Variants in SLC7A14 observed in about 807,000 individuals in gnomAD.
The protein encoded by SLC7A14 is solute carrier family 7 member 14.
SLC7A14 carries 37 observed loss-of-function variants against 60.2 expected under a neutral mutation model. The observed-to-expected ratio is 0.61, with a 90% CI of 0.47 to 0.81. The LOEUF (loss-of-function observed/expected upper bound fraction) is 0.81. Ranked by LOEUF, SLC7A14 falls within the 30% of genes least tolerant of loss-of-function variation. SLC7A14 has a pLI of 0.00. For missense variants in SLC7A14, 886 were observed against 982.7 expected (o/e 0.90, Z 1.32); for synonymous variants, 399 against 395.8 (o/e 1.01, Z -0.10).
Position 170,501,220 on chromosome 3 carries a change from G to A in SLC7A14, c.430C>T (p.Leu144=). The change falls in exon 3 of 8, where the codon CTG becomes TTG. Residue 144 remains leucine, a synonymous_variant. Transcript: ENST00000231706. The part of the protein sequence containing the change: ...FIGWNLILEY[L]IGTAAGASAL... The stretch of plus-strand genomic sequence containing the variant: ...CTGGCTCCGGCCGCAGTGCCAATCA[G>A]GTACTCCAGGATCAGGTTCCAGCCA... 6.2e-7 allele frequency: 1 copy of A among 1,614,198 alleles called. No homozygotes were observed.
intron 1 of SLC7A14, among the ~76,000 whole-genome samples, chr3:170,571,539 T>C (rs1714955573): frequency 6.6e-6 from 1 of 152,202 alleles, no homozygotes; most frequent in African/African-American, 2.4e-5. Context: ...TTGAACATAA[T>C]CTTCCACATA....
At chr3:170,566,438 C>T (rs1342759734) in intron 1 of SLC7A14, among the ~76,000 whole-genome samples, 1 of 152,194 alleles carries the variant, frequency 6.6e-6, no homozygotes, top group East Asian at 1.9e-4. Context: ...TAAACATTGC[C>T]AACAAATAGC....
intron 3 of SLC7A14, among the ~76,000 whole-genome samples, chr3:170,499,754 C>T (rs1175335776): frequency 6.6e-6 from 1 of 152,188 alleles, no homozygotes; most frequent in Non-Finnish European, 1.5e-5. Context: ...TGGACTCCTG[C>T]CCTCTATAGA....
intron 2 of SLC7A14, among the ~76,000 whole-genome samples, chr3:170,525,106 C>T (rs1713450986): frequency 6.6e-6 from 1 of 152,190 alleles, no homozygotes; most frequent in African/African-American, 2.4e-5. Context: ...CCCACTTCTC[C>T]TGAAATATTC....
chr3:170,525,050 T>C (rs11706208), intron 2 of SLC7A14, among the ~76,000 whole-genome samples: 68,882 of 152,164 alleles, frequency 0.45, 16,101 homozygotes, highest in Middle Eastern at 0.6. Flanking sequence ...GCTTTTCTTA[T>C]GATAGCACGC....
chr3:170,541,587 G>A (rs555583798), intron 1 of SLC7A14, among the ~76,000 whole-genome samples: 1 of 152,310 alleles, frequency 6.6e-6, no homozygotes, highest in South Asian at 2.1e-4. Flanking sequence ...CATAGAGCAA[G>A]ACCTTGTCTC....
At chr3:170,526,193 G>A (rs547153906) in intron 2 of SLC7A14, among the ~76,000 whole-genome samples, 2 of 152,166 alleles carry the variant, frequency 1.3e-5, no homozygotes, top group South Asian at 4.2e-4. Flanking sequence ...GTTGAGGTCA[G>A]GAGTTTGAGA....
chr3:170,533,006 T>A (rs1297673527), intron 1 of SLC7A14, among the ~76,000 whole-genome samples: 1 of 152,196 alleles, frequency 6.6e-6, no homozygotes, highest in East Asian at 1.9e-4. Flanking sequence ...TTCCCCAAGA[T>A]GCACACATAC....
chr3:170,470,326 G>GTGTGTGTGTGTGTA (rs1348503200), intron 7 of SLC7A14, among the ~76,000 whole-genome samples: 2 of 151,826 alleles, frequency 1.3e-5, no homozygotes, highest in South Asian at 4.2e-4. Flanking sequence ...GTGTGTGTGT[G>GTGTGTGTGTGTGTA]TGTGTGTGTG....
chr3:170,497,498 G>A (rs760909301), intron 4 of SLC7A14, among the ~76,000 whole-genome samples: 19 of 152,200 alleles, frequency 1.2e-4, no homozygotes, highest in Non-Finnish European at 2.6e-4. Context: ...GGACATGTTG[G>A]AGAAAAACCA....
chr3:170,491,595 C>T (rs1401237570), intron 4 of SLC7A14, among the ~76,000 whole-genome samples: 1 of 152,052 alleles, frequency 6.6e-6, no homozygotes, highest in Non-Finnish European at 1.5e-5. Flanking sequence ...GAGAAGCTCT[C>T]ATCCTGAGGC....
intron 4 of SLC7A14, among the ~76,000 whole-genome samples, chr3:170,495,016 AG>A (rs1712336793): frequency 6.6e-6 from 1 of 152,186 alleles, no homozygotes; most frequent in Non-Finnish European, 1.5e-5. Flanking sequence ...TCCACTTTTA[AG>A]TAAGGGATAA....
chr3:170,473,285 CT>C (rs1711511273), intron 7 of SLC7A14, among the ~76,000 whole-genome samples: 1 of 152,122 alleles, frequency 6.6e-6, no homozygotes, highest in African/African-American at 2.4e-5. Flanking sequence ...AGGAGAAATC[CT>C]AGAACAAAAA....
chr3:170,485,633 G>C lies in SLC7A14; in HGVS notation c.906+589C>G, dbSNP rs143585554. ...GGGGCGTGATCCTGAGGAAGACAAG[G>C]CTGAAGTCTTTATCCTGAGGCTCCC... On this transcript the variant is annotated intron_variant, in intron 5 of 7. Coordinates refer to ENST00000231706, the MANE Select transcript of SLC7A14 (RefSeq NM_020949.3). Among the ~76,000 whole-genome samples the C allele has an allele frequency of 4.6e-5, 7 of 152,280 alleles. No individual in the cohort carries two copies. In the East Asian group the frequency reaches 1.2e-3, roughly 25 times the overall value.
At chr3:170,570,512 T>C (rs1303895328) in intron 1 of SLC7A14, 2 of 147,622 alleles carry the variant, frequency 1.4e-5, no homozygotes, top group African/African-American at 5.2e-5. Context: ...TAGTTTTCTG[T>C]ATATAAACTA....
At position 170,463,163 on chromosome 3, in the gene SLC7A14, C is replaced by T. The variant is rs952682005; in HGVS notation, c.*3892G>A. 6.6e-6 allele frequency: 1 copy of T among 152,192 alleles called. No individual in the cohort carries two copies. Among genetic ancestry groups the T allele is most frequent in the African/African-American group, 2.4e-5 (1 of 41,446 alleles). 9.4% of individuals were successfully genotyped at this position (152,192 alleles called of 1,614,324 possible). ...TCTCTGTGAGTGATCCCTCACCTGC[C>T]TTCCTAGCATTATTTCTTATTGTTG... On this transcript the variant is annotated 3_prime_UTR_variant, in exon 8 of 8. Transcript: ENST00000231706.
chr3:170,561,002 C>T (rs1714631232), intron 1 of SLC7A14, among the ~76,000 whole-genome samples: 1 of 152,026 alleles, frequency 6.6e-6, no homozygotes, highest in South Asian at 2.1e-4. Context: ...GAAAAGACAC[C>T]CCCTTCCCCA....
chr3:170,478,434 C>T (rs1054452421), intron 7 of SLC7A14, among the ~76,000 whole-genome samples: 2 of 152,062 alleles, frequency 1.3e-5, no homozygotes, highest in Admixed American at 6.6e-5. Context: ...TCAGTGGGGT[C>T]CTCTCAAGAA....
intron 7 of SLC7A14, among the ~76,000 whole-genome samples, chr3:170,473,483 C>G (rs756298180): frequency 2.0e-5 from 3 of 152,160 alleles, no homozygotes; most frequent in Non-Finnish European, 4.4e-5. Context: ...GGTGGAGCTG[C>G]CTCTTGCTGG....
Sources: allele counts gnomAD v4.1 joint callset (sites outside exome capture counted in the v4.1 genomes callset), GRCh38; gene constraint gnomAD v4.1.1; transcripts MANE v1.5; gene names NCBI Gene and HGNC (gene_info 2026-07-23, HGNC 2026-07-21).